Variants in FAM135B observed in about 807,000 individuals in gnomAD.
FAM135B encodes family with sequence similarity 135 member B, also known as protein FAM135B.
A neutral mutation model predicts 127.7 loss-of-function variants in FAM135B; 43 were observed. The observed-to-expected ratio is 0.34, with a 90% CI of 0.26 to 0.43. FAM135B has a LOEUF of 0.43. Ranked by LOEUF, FAM135B falls within the 20% of genes least tolerant of loss-of-function variation. The pLI is 1.00. For synonymous variants in FAM135B, 670 were observed against 665.1 expected, an observed-to-expected ratio of 1.01 and a Z score of -0.11; for missense variants, 1,558 against 1,725.6, an observed-to-expected ratio of 0.90 and a Z score of 1.72.
chr8:138,227,343 TC>T (rs1345583641), intron 7 of FAM135B, among the ~76,000 whole-genome samples: 2 of 152,094 alleles, frequency 1.3e-5, no homozygotes. Context: ...AATCTGCAAA[TC>T]AAGGGCAGCC....
chr8:138,247,665 T>A (rs566176411), intron 6 of FAM135B, among the ~76,000 whole-genome samples: 2 of 152,280 alleles, frequency 1.3e-5, no homozygotes, highest in South Asian at 2.1e-4. Flanking sequence ...TCGGTTGGCA[T>A]AAACACTTTG....
intron 7 of FAM135B, among the ~76,000 whole-genome samples, chr8:138,240,913 C>T (rs1465453160): frequency 7.2e-5 from 11 of 152,112 alleles, no homozygotes; most frequent in Non-Finnish European, 1.0e-4. Flanking sequence ...CATTCCCTAA[C>T]GCCCCAGGCC....
At chr8:138,348,127 CTTTTT>C (rs58289442) in intron 2 of FAM135B, among the ~76,000 whole-genome samples, 34 of 52,852 alleles carry the variant, frequency 6.4e-4, no homozygotes, top group East Asian at 6.1e-3. Flanking sequence ...TTTTCCTCCT[CTTTTT>C]TTTTTTTTTT....
At chr8:138,345,041 C>T (rs1563920707) in intron 2 of FAM135B, among the ~76,000 whole-genome samples, 1 of 152,210 alleles carries the variant, frequency 6.6e-6, no homozygotes, top group East Asian at 1.9e-4. Flanking sequence ...ATGAAAGCAG[C>T]ATCCAGCACT....
intron 4 of FAM135B, among the ~76,000 whole-genome samples, chr8:138,258,364 A>T (rs1269215553): frequency 1.3e-5 from 2 of 152,188 alleles, no homozygotes; most frequent in African/African-American, 4.8e-5. Flanking sequence ...CAGGGTTTAA[A>T]ATTTGTTATT....
At chr8:138,231,884 A>G (rs897898168) in intron 7 of FAM135B, among the ~76,000 whole-genome samples, 2 of 152,226 alleles carry the variant, frequency 1.3e-5, no homozygotes, top group Non-Finnish European at 2.9e-5. Context: ...TAATGTCACC[A>G]TCACGGCATC....
chr8:138,172,603 G>C (rs552207196), intron 11 of FAM135B, among the ~76,000 whole-genome samples: 1 of 152,016 alleles, frequency 6.6e-6, no homozygotes, highest in East Asian at 1.9e-4. Flanking sequence ...TGTCTTCTCC[G>C]TCCAGTGAGG....
intron 1 of FAM135B, among the ~76,000 whole-genome samples, chr8:138,470,321 T>C (rs1052332551): frequency 5.9e-5 from 9 of 152,294 alleles, no homozygotes; most frequent in East Asian, 1.9e-4. Context: ...TATACACCCA[T>C]ATACACAGAC....
In FAM135B at chr8:138,491,631, A is replaced by G. The variant is rs931110163; in HGVS notation, c.-20+5040T>C. ...CATTCATTCATTCATTCATTCATTC[A>G]GCAAACATTTACTGAGTGCATATTA... is the stretch of plus-strand genomic sequence containing the variant. On this transcript the variant is annotated intron_variant, in intron 1 of 19. Transcript: ENST00000395297. Among the ~76,000 whole-genome samples, 3 of 152,208 alleles carry G rather than the reference A, an allele frequency of 2.0e-5. No homozygotes were observed. The East Asian group carries it at 5.8e-4, about 29-fold the overall frequency.
chr8:138,347,922 A>C (rs2131098412), intron 2 of FAM135B, among the ~76,000 whole-genome samples: 1 of 152,192 alleles, frequency 6.6e-6, no homozygotes, highest in South Asian at 2.1e-4. Context: ...GTTAAGAAAT[A>C]AATGAGATAA....
chr8:138,351,166 C>G (rs1376634731), intron 2 of FAM135B, among the ~76,000 whole-genome samples: 1 of 152,182 alleles, frequency 6.6e-6, no homozygotes, highest in Non-Finnish European at 1.5e-5. Flanking sequence ...GTCACCTGTA[C>G]AGGCTGAATT....
chr8:138,242,858 C>A lies in FAM135B; in HGVS notation c.669+84G>T. 6.7e-7 allele frequency: 1 copy of A among 1,499,846 alleles called. No individual in the cohort carries two copies. The highest frequency in any genetic ancestry group is 1.4e-5 in the South Asian group (1 of 71,588). 92.9% of individuals were successfully genotyped at this position (1,499,846 alleles called of 1,614,324 possible). Reference sequence around the variant, plus strand: ...GCAAAAATCTCTGAAGGGGATGTTTCAAAGAAGCATGAATCTCATAGAACA... The same window carrying A: ...GCAAAAATCTCTGAAGGGGATGTTTAAAAGAAGCATGAATCTCATAGAACA... On this transcript the variant is annotated intron_variant, in intron 7 of 19. Coordinates refer to ENST00000395297, the MANE Select transcript of FAM135B (RefSeq NM_015912.4). This position sits in a 1 kb window ranked among gnomAD's most constrained non-coding sequence, Gnocchi z 9.6.
intron 2 of FAM135B, among the ~76,000 whole-genome samples, chr8:138,348,087 C>G (rs1413147676): frequency 1.3e-5 from 2 of 150,254 alleles, no homozygotes; most frequent in Non-Finnish European, 3.0e-5. Flanking sequence ...AAGTTGCCCC[C>G]CATGCAACAA....
intron 7 of FAM135B, among the ~76,000 whole-genome samples, chr8:138,226,061 C>A (rs1007337519): frequency 9.9e-5 from 15 of 151,600 alleles, no homozygotes; most frequent in African/African-American, 3.2e-4. Flanking sequence ...ACTTATTATT[C>A]TTATTATCTT....
At chr8:138,290,509 G>C (rs961111932) in intron 3 of FAM135B, among the ~76,000 whole-genome samples, 8 of 152,032 alleles carry the variant, frequency 5.3e-5, no homozygotes, top group Admixed American at 3.3e-4. Context: ...TGTTTTGTTT[G>C]CTTGAATTAT....
At chr8:138,197,157 T>A (rs995740456) in intron 8 of FAM135B, among the ~76,000 whole-genome samples, 1 of 151,870 alleles carries the variant, frequency 6.6e-6, no homozygotes, top group Middle Eastern at 3.2e-3. Context: ...TACACTCTTG[T>A]AAGTTACAAT....
At chr8:138,372,071 C>T (rs937884624) in intron 1 of FAM135B, among the ~76,000 whole-genome samples, 5 of 152,234 alleles carry the variant, frequency 3.3e-5, no homozygotes, top group African/African-American at 1.2e-4. Context: ...CAGGTACGGC[C>T]TCCCTGGGAA....
At chr8:138,203,831 T>G (rs533824183) in intron 7 of FAM135B, among the ~76,000 whole-genome samples, 1 of 152,300 alleles carries the variant, frequency 6.6e-6, no homozygotes, top group African/African-American at 2.4e-5. Context: ...AGCCCTGAGC[T>G]TGTTTTTCTG....
intron 1 of FAM135B, among the ~76,000 whole-genome samples, chr8:138,462,379 T>C (rs1035608077): frequency 1.3e-5 from 2 of 152,150 alleles, no homozygotes; most frequent in African/African-American, 4.8e-5. Flanking sequence ...CTTTCAAGGA[T>C]TCATGAGGGT....
Sources: gnomAD v4.1 joint callset for allele counts (sites outside exome capture counted in the v4.1 genomes callset) on GRCh38, gnomAD v4.1.1 for gene constraint, Gnocchi (gnomAD v3.1) non-coding constraint, MANE v1.5 for transcripts, NCBI Gene and HGNC (gene_info 2026-07-23, HGNC 2026-07-21) for gene names.